Variants in EYS observed in about 807,000 individuals in gnomAD.
The protein encoded by EYS is EGF-like photoreceptor maintenance factor, also known as protein eyes shut homolog.
In EYS, 250 loss-of-function variants were observed where a neutral mutation model predicts 282.1. The ratio of observed to expected loss-of-function variants is 0.89; its 90% CI spans 0.80 to 0.98. EYS has a LOEUF of 0.98. EYS is among the 50% of genes least tolerant of loss of function. EYS has a pLI of 0.00. For synonymous variants in EYS, 1,355 were observed against 1,282.9 expected (o/e 1.06, Z -1.20); for missense variants, 4,016 against 3,709.0 (o/e 1.08, Z -2.15).
chr6:65,538,836 C>G (rs949829534), intron 2 of EYS, among the ~76,000 whole-genome samples: 2 of 152,094 alleles, frequency 1.3e-5, no homozygotes, highest in African/African-American at 4.8e-5. Context: ...CTGACCTCAC[C>G]CCCCTGCCTT....
At chr6:64,729,218 C>A (rs1392019578) in intron 22 of EYS, among the ~76,000 whole-genome samples, 1 of 152,072 alleles carries the variant, frequency 6.6e-6, no homozygotes, top group African/African-American at 2.4e-5. Context: ...CCTCTTCTGC[C>A]CAGAATTTCC....
intron 31 of EYS, among the ~76,000 whole-genome samples, chr6:64,088,844 C>A (rs755421929): frequency 6.6e-6 from 1 of 151,914 alleles, no homozygotes; most frequent in African/African-American, 2.4e-5. Context: ...GTCTACAGCA[C>A]AAATCCCCTT....
At chr6:64,232,400 T>C (rs1766451307) in intron 30 of EYS, among the ~76,000 whole-genome samples, 1 of 152,098 alleles carries the variant, frequency 6.6e-6, no homozygotes, top group South Asian at 2.1e-4. Context: ...TTGTTGTTTG[T>C]TTGTTTGGGA....
intron 26 of EYS, among the ~76,000 whole-genome samples, chr6:64,453,851 C>A (rs1024689484): frequency 6.6e-6 from 1 of 152,004 alleles, no homozygotes; most frequent in African/African-American, 2.4e-5. Flanking sequence ...ACACCGGGGA[C>A]TGTTGTGGCG....
intron 12 of EYS, among the ~76,000 whole-genome samples, chr6:65,291,725 T>C (rs1033857747): frequency 6.6e-6 from 1 of 151,548 alleles, no homozygotes; most frequent in Non-Finnish European, 1.5e-5. Context: ...GACTCATCTT[T>C]GGAGTCTACT....
chr6:65,525,452 G>A (rs779436875), intron 2 of EYS, among the ~76,000 whole-genome samples: 13 of 152,186 alleles, frequency 8.5e-5, no homozygotes, highest in East Asian at 1.9e-4. Flanking sequence ...CATTCTAACC[G>A]GAAAATTCAA....
chr6:64,300,323 G>A (rs1280829623), intron 30 of EYS, among the ~76,000 whole-genome samples: 5 of 152,182 alleles, frequency 3.3e-5, no homozygotes, highest in Non-Finnish European at 5.9e-5. Context: ...ACCTAGGCAA[G>A]TGCAACACTG....
chr6:64,029,459 G>A (rs556052921), intron 33 of EYS, among the ~76,000 whole-genome samples: 10 of 152,246 alleles, frequency 6.6e-5, no homozygotes, highest in Admixed American at 1.3e-4. Flanking sequence ...TATGGCTATC[G>A]GACAACCGCC....
chr6:63,931,028 T>G (rs985131323), intron 35 of EYS, among the ~76,000 whole-genome samples: 1 of 152,222 alleles, frequency 6.6e-6, no homozygotes, highest in Non-Finnish European at 1.5e-5. Context: ...ACAGATTATA[T>G]TTGAAGAGTG....
At chr6:65,575,178 G>A (rs1483752342) in intron 2 of EYS, among the ~76,000 whole-genome samples, 1 of 151,618 alleles carries the variant, frequency 6.6e-6, no homozygotes, top group Non-Finnish European at 1.5e-5. Context: ...AAATTTTTTT[G>A]TATTGCAAGT....
intron 12 of EYS, among the ~76,000 whole-genome samples, chr6:65,181,943 C>G (rs936974686): frequency 4.6e-5 from 7 of 151,792 alleles, no homozygotes. Flanking sequence ...TCATTCTCAG[C>G]AAACTATAGC....
chr6:63,861,040 TA>T (rs1265543257), intron 36 of EYS, among the ~76,000 whole-genome samples: 1 of 152,216 alleles, frequency 6.6e-6, no homozygotes, highest in Non-Finnish European at 1.5e-5. Context: ...CTTTAGTCCT[TA>T]TCTTGCTTCA....
intron 37 of EYS, among the ~76,000 whole-genome samples, chr6:63,795,862 T>C (rs139856312): frequency 6.6e-6 from 1 of 151,996 alleles, no homozygotes; most frequent in South Asian, 2.1e-4. Flanking sequence ...GAGAGAAACA[T>C]AACAAGGAGA....
At chr6:64,893,182 GA>G (rs1767342860) in intron 18 of EYS, among the ~76,000 whole-genome samples, 1 of 152,012 alleles carries the variant, frequency 6.6e-6, no homozygotes, top group South Asian at 2.1e-4. Context: ...TCAAGTGTCA[GA>G]AAAATGTAAA....
intron 2 of EYS, among the ~76,000 whole-genome samples, chr6:65,543,496 T>TA (rs1185355719): frequency 4.7e-5 from 7 of 148,722 alleles, no homozygotes; most frequent in African/African-American, 1.5e-4. Flanking sequence ...TATATATATA[T>TA]AAAATTATAT....
intron 29 of EYS, among the ~76,000 whole-genome samples, chr6:64,346,506 A>C (rs1383625525): frequency 6.6e-6 from 1 of 151,818 alleles, no homozygotes; most frequent in Non-Finnish European, 1.5e-5. Context: ...GAACAATGAG[A>C]ACACATGGGT....
At chr6:64,551,419 C>A (rs962653688) in intron 26 of EYS, among the ~76,000 whole-genome samples, 1 of 151,838 alleles carries the variant, frequency 6.6e-6, no homozygotes, top group Admixed American at 6.6e-5. Context: ...GCCTATTCTT[C>A]TTACTACCTG....
intron 29 of EYS, among the ~76,000 whole-genome samples, chr6:64,320,516 T>A (rs1454837307): frequency 6.6e-6 from 1 of 151,884 alleles, no homozygotes; most frequent in Non-Finnish European, 1.5e-5. Context: ...GTTCTACTTG[T>A]TTCACTTTAT....
At chr6:65,005,419 C>T (rs1771611897) in intron 13 of EYS, among the ~76,000 whole-genome samples, 1 of 147,530 alleles carries the variant, frequency 6.8e-6, no homozygotes, top group South Asian at 2.2e-4. Flanking sequence ...GGTCAGAGAA[C>T]ACAAGGCTTG....
Sources: gnomAD v4.1 joint callset for allele counts (sites outside exome capture counted in the v4.1 genomes callset) on GRCh38, gnomAD v4.1.1 for gene constraint, MANE v1.5 for transcripts, NCBI Gene and HGNC (gene_info 2026-07-23, HGNC 2026-07-21) for gene names.